SP3: variants seen among roughly 807,000 people sequenced by gnomAD.
SP3 encodes Sp3 transcription factor, also known as transcription factor Sp3.
Under a neutral mutation model 70.3 loss-of-function variants are expected in SP3, and 10 were observed. That is an observed-to-expected ratio of 0.14 (90% CI 0.09 to 0.24). The LOEUF is 0.24. SP3 is among the 10% of genes least tolerant of loss of function. The probability of loss-of-function intolerance (pLI) is 1.00; values close to 1 mark genes in which losing one functional copy is unlikely to be tolerated. For missense variants in SP3, 825 were observed against 914.6 expected, an observed-to-expected ratio of 0.90 and a Z score of 1.26; for synonymous variants, 402 against 333.5, an observed-to-expected ratio of 1.21 and a Z score of -2.24.
intron 4 of SP3, among the ~76,000 whole-genome samples, chr2:173,934,487 A>G (rs1267216054): frequency 6.6e-6 from 1 of 152,090 alleles, no homozygotes; most frequent in Non-Finnish European, 1.5e-5. Flanking sequence ...AATAAATGAC[A>G]TAATGTTAAT....
At chr2:173,952,393 C>T (rs1481091536) in intron 4 of SP3, among the ~76,000 whole-genome samples, 2 of 152,192 alleles carry the variant, frequency 1.3e-5, no homozygotes, top group African/African-American at 4.8e-5. Context: ...TACCACTTCA[C>T]ACCCACTAGG....
At chr2:173,938,777 C>T (rs1428824350) in intron 4 of SP3, among the ~76,000 whole-genome samples, 1 of 152,136 alleles carries the variant, frequency 6.6e-6, no homozygotes, top group African/African-American at 2.4e-5. Context: ...CTGAAGGTTA[C>T]TCCACTATTC....
chr2:173,933,658 AT>A (rs1031143844), intron 4 of SP3, among the ~76,000 whole-genome samples: 2 of 142,580 alleles, frequency 1.4e-5, no homozygotes, highest in Admixed American at 7.0e-5. Context: ...ATATATATAT[AT>A]ATATATATAT....
chr2:173,911,492 T>C (rs550410556), intron 6 of SP3, among the ~76,000 whole-genome samples: 2 of 152,222 alleles, frequency 1.3e-5, no homozygotes, highest in Non-Finnish European at 2.9e-5. Context: ...GGTTAGGAAA[T>C]GCTACACACA....
chr2:173,906,135 CCA>C lies in SP3; in HGVS notation c.*3804_*3805del, dbSNP rs1322284593. 2.6e-5 allele frequency among the ~76,000 whole-genome samples: 4 copies of C among 151,900 alleles called. No homozygotes were observed. In the Admixed American group the frequency reaches 2.6e-4, roughly 10 times the overall value. On this transcript the variant is annotated 3_prime_UTR_variant, in exon 7 of 7. Transcript: ENST00000310015. ...TTGGCAGCCCCTCTTAAAAATTTTT[CCA>C]CTCTGTCCCTCACAAAGTCCCCCAT...
chr2:173,907,554 C>A lies in SP3; in HGVS notation c.*2387G>T, dbSNP rs1214813454. The A allele has an allele frequency of 1.3e-5, 2 of 152,068 alleles. No homozygotes were observed. The highest frequency in any genetic ancestry group is 1.3e-4 in the Admixed American group (2 of 15,268). The allele number at this position is 152,068 out of a possible 1,614,324, so 9.4% of individuals were successfully genotyped here. A position where few individuals can be genotyped will look rare whatever the true frequency, so the allele number is the denominator to read the frequency against. ...GACTACTTACTTTCTTCATTGCATTCATTCTCCACGAATTCATAAAATATG... is the reference window on the plus strand; with the variant it reads ...GACTACTTACTTTCTTCATTGCATTAATTCTCCACGAATTCATAAAATATG... On this transcript the variant is annotated 3_prime_UTR_variant, in exon 7 of 7. Coordinates refer to ENST00000310015, the MANE Select transcript of SP3 (RefSeq NM_003111.5).
chr2:173,952,843 G>A (rs1485272819), intron 4 of SP3, among the ~76,000 whole-genome samples: 1 of 152,172 alleles, frequency 6.6e-6, no homozygotes, highest in Non-Finnish European at 1.5e-5. Context: ...CGAAATAACT[G>A]GCAAATCTGA....
At chr2:173,963,933 G>A (rs773177778) in intron 2 of SP3, 50 bp from the exon 3 acceptor site, 10 of 1,317,494 alleles carry the variant, frequency 7.6e-6, no homozygotes, top group Non-Finnish European at 2.0e-6. Flanking sequence ...AGGGGGTGGC[G>A]GTTAGGGTCG....
rs775136447 is a variant in SP3 at position 173,955,040 on chromosome 2, G to C, written c.1472C>G (p.Pro491Arg). Residue 491 changes from proline to arginine, a missense_variant, in exon 4 of 7, where the codon CCT (proline) becomes CGT (arginine). Physicochemically the swap from Pro to Arg is moderately radical, Grantham distance 103. This residue lies in a region of SP3 where 678 missense variants were observed against 651.6 expected (regional missense o/e 1.04). Coordinates refer to ENST00000310015, the MANE Select transcript of SP3 (RefSeq NM_003111.5). ...NTAAQQITLT[P>R]VQTLTLGQVA... ...TTGACCAAGTGTGAGGGTTTGAACAGGCGTCAAAGTTATTTGTTGGGCAGC... is the reference window on the plus strand; with the variant it reads ...TTGACCAAGTGTGAGGGTTTGAACACGCGTCAAAGTTATTTGTTGGGCAGC... 6.2e-7 allele frequency: 1 copy of C among 1,614,188 alleles called. No individual in the cohort carries two copies.
rs1410363837 is a variant in SP3, at chr2:173,907,533, A to G, written c.*2408T>C. On this transcript the variant is annotated 3_prime_UTR_variant, in exon 7 of 7. Coordinates refer to ENST00000310015, the MANE Select transcript of SP3 (RefSeq NM_003111.5). ...CTTTATTTAAATAATTTTCAAGACT[A>G]CTTACTTTCTTCATTGCATTCATTC... 6.6e-6 allele frequency: 1 copy of G among 151,296 alleles called. No individual in the cohort carries two copies. Among genetic ancestry groups the G allele is most frequent in the African/African-American group, 2.4e-5 (1 of 41,366 alleles). The allele number at this position is 151,296 out of a possible 1,614,324, so 9.4% of individuals were successfully genotyped here.
In SP3 at chr2:173,923,721, T is replaced by G. The variant is rs550718095; in HGVS notation, c.1640-4936A>C. Among the ~76,000 whole-genome samples the G allele has an allele frequency of 2.6e-5, 4 of 152,102 alleles. No individual in the cohort carries two copies. The East Asian group carries it at 7.7e-4, about 29-fold the overall frequency. On this transcript the variant is annotated intron_variant, in intron 4 of 6. Coordinates refer to ENST00000310015, the MANE Select transcript of SP3 (RefSeq NM_003111.5). ...GTCTTTCATATTCTCTGCCTTCAAC[T>G]TTTTTAAGCACTGAAGTAATTTGAT... is the stretch of plus-strand genomic sequence containing the variant.
chr2:173,944,054 A>AAAAACAAACAAAAAGGCAAGTT (rs1690458352), intron 4 of SP3, among the ~76,000 whole-genome samples: 1 of 152,250 alleles, frequency 6.6e-6, no homozygotes, highest in African/African-American at 2.4e-5. Flanking sequence ...TTATGGGACC[A>AAAAACAAACAAAAAGGCAAGTT]CCATCATATA....
intron 2 of SP3, 62 bp from the exon 3 acceptor site, chr2:173,963,945 G>T: frequency 2.5e-6 from 3 of 1,201,946 alleles, no homozygotes; most frequent in South Asian, 3.4e-5. Flanking sequence ...TTAGGGTCGG[G>T]CCGCCTTTCG....
intron 4 of SP3, among the ~76,000 whole-genome samples, chr2:173,947,772 C>T (rs1690588104): frequency 6.6e-6 from 1 of 152,178 alleles, no homozygotes; most frequent in Non-Finnish European, 1.5e-5. Context: ...TTTGCAGGAT[C>T]ATCTTGAATA....
intron 4 of SP3, among the ~76,000 whole-genome samples, chr2:173,941,721 T>C (rs900923581): frequency 9.9e-5 from 15 of 152,244 alleles, no homozygotes; most frequent in Non-Finnish European, 1.9e-4. Context: ...TAGCTCTTCC[T>C]CTACTTCTCA....
At chr2:173,921,411 G>A (rs541505062) in intron 4 of SP3, among the ~76,000 whole-genome samples, 1 of 152,306 alleles carries the variant, frequency 6.6e-6, no homozygotes, top group East Asian at 1.9e-4. Flanking sequence ...CATGCTGACT[G>A]GGCAGGGTGG....
intron 4 of SP3, among the ~76,000 whole-genome samples, chr2:173,939,240 A>G (rs960897983): frequency 6.6e-6 from 1 of 152,218 alleles, no homozygotes; most frequent in Non-Finnish European, 1.5e-5. Context: ...AAGAGCCAGT[A>G]AAGACTTTAC....
intron 4 of SP3, among the ~76,000 whole-genome samples, chr2:173,924,395 A>G (rs1305631624): frequency 1.3e-5 from 2 of 152,242 alleles, no homozygotes; most frequent in African/African-American, 4.8e-5. Context: ...TGTAATTAGT[A>G]AACTGACTAG....
intron 4 of SP3, among the ~76,000 whole-genome samples, chr2:173,948,114 G>C (rs1357698953): frequency 6.6e-6 from 1 of 152,008 alleles, no homozygotes; most frequent in Non-Finnish European, 1.5e-5. Context: ...ATCTAACTCT[G>C]GGTTTTTCTG....
Sources: gnomAD v4.1 joint callset for allele counts (sites outside exome capture counted in the v4.1 genomes callset) on GRCh38, gnomAD v4.1.1 for gene constraint, gnomAD v4.1.1 regional missense constraint, MANE v1.5 for transcripts, NCBI Gene and HGNC (gene_info 2026-07-23, HGNC 2026-07-21) for gene names.